The following ITGB6 variants were observed in gnomAD, a reference collection of about 807,000 sequenced individuals.
ITGB6 encodes the protein integrin beta-6.
A neutral mutation model predicts 84.5 loss-of-function variants in ITGB6; 80 were observed. The observed-to-expected ratio is 0.95, with a 90% confidence interval of 0.79 to 1.14. The LOEUF (loss-of-function observed/expected upper bound fraction) is 1.14, where lower values mean the gene tolerates loss of function less well. Ranked by LOEUF, ITGB6 falls within the 50% of genes most tolerant of loss-of-function variation. ITGB6 has a pLI of 0.00. For synonymous variants in ITGB6, 383 were observed against 354.9 expected (o/e 1.08, Z -0.89); for missense variants, 1,006 against 968.0 (o/e 1.04, Z -0.52).
intron 4 of ITGB6, among the ~76,000 whole-genome samples, chr2:160,189,892 GAC>G (rs1427697291): frequency 6.6e-6 from 1 of 152,128 alleles, no homozygotes; most frequent in Non-Finnish European, 1.5e-5. Flanking sequence ...CTGCTATAAA[GAC>G]ACATGCACAC....
intron 10 of ITGB6, among the ~76,000 whole-genome samples, chr2:160,133,266 GTC>G (rs1683546117): frequency 6.6e-6 from 1 of 152,106 alleles, no homozygotes; most frequent in Admixed American, 6.5e-5. Context: ...TGCAATCCTA[GTC>G]TCTGATAAAA....
intron 12 of ITGB6, among the ~76,000 whole-genome samples, chr2:160,120,109 C>T (rs34762905): frequency 0.67 from 100,536 of 150,794 alleles, 33,878 homozygotes; most frequent in Admixed American, 0.74. Flanking sequence ...GTCAGTGTGG[C>T]GATTCCTCAG....
intron 7 of ITGB6, among the ~76,000 whole-genome samples, chr2:160,163,398 G>A (rs1454535711): frequency 1.3e-5 from 2 of 152,100 alleles, no homozygotes; most frequent in African/African-American, 4.8e-5. Context: ...TTGGGAAGTC[G>A]AGGTGGGTGG....
rs1314322022 is a variant in ITGB6, at chr2:160,141,856, CA to C, written c.1107+125del. 71 of 606,404 alleles carry C rather than the reference CA, an allele frequency of 1.2e-4. No individual in the cohort carries two copies. In the Middle Eastern group the frequency reaches 2.1e-3, roughly 18 times the overall value. The allele number at this position is 606,404 out of a possible 1,614,324, so 37.6% of individuals were successfully genotyped here. On this transcript the variant is annotated intron_variant, in intron 8 of 14. Coordinates refer to ENST00000283249, the MANE Select transcript of ITGB6 (RefSeq NM_000888.5). ...AATTTATATTTTGGCTGCATTCATG[CA>C]GAGACTTTTTTTGGATAAGCACTCT...
At chr2:160,131,666 T>C (rs1683475309) in intron 10 of ITGB6, among the ~76,000 whole-genome samples, 1 of 152,184 alleles carries the variant, frequency 6.6e-6, no homozygotes. Flanking sequence ...CAACATCCTT[T>C]GTGATGTTAC....
intron 1 of ITGB6, among the ~76,000 whole-genome samples, chr2:160,199,744 G>C (rs1039876282): frequency 1.3e-5 from 2 of 152,194 alleles, no homozygotes; most frequent in Non-Finnish European, 2.9e-5. Context: ...CTGGCACTAA[G>C]TTCCATTGGG....
At chr2:160,199,090 C>A in intron 2 of ITGB6, 89 bp downstream of exon 2, 1 of 1,065,950 alleles carries the variant, frequency 9.4e-7, no homozygotes, top group Non-Finnish European at 1.4e-6. Flanking sequence ...CACAAAAAAG[C>A]AAGTCACTAT....
intron 10 of ITGB6, among the ~76,000 whole-genome samples, chr2:160,133,979 C>T (rs1056382352): frequency 1.3e-5 from 2 of 152,150 alleles, no homozygotes; most frequent in Admixed American, 1.3e-4. Flanking sequence ...GACACCCTAA[C>T]ATCACAATTA....
chr2:160,112,474 T>C (rs1682578556), intron 12 of ITGB6, among the ~76,000 whole-genome samples: 1 of 152,148 alleles, frequency 6.6e-6, no homozygotes, highest in South Asian at 2.1e-4. Context: ...TGAACGTACT[T>C]CAAGGCAGGT....
intron 7 of ITGB6, among the ~76,000 whole-genome samples, chr2:160,151,032 T>C (rs1324576307): frequency 6.6e-6 from 1 of 152,020 alleles, no homozygotes; most frequent in East Asian, 1.9e-4. Flanking sequence ...ATTAGACAGA[T>C]AAACAAGGCA....
At chr2:160,139,721 T>C (rs911662818) in intron 8 of ITGB6, among the ~76,000 whole-genome samples, 1 of 152,210 alleles carries the variant, frequency 6.6e-6, no homozygotes, top group African/African-American at 2.4e-5. Flanking sequence ...ATTTGTATTT[T>C]TCATAGTTTC....
At chr2:160,196,015 T>A (rs973735089) in intron 3 of ITGB6, among the ~76,000 whole-genome samples, 1 of 152,184 alleles carries the variant, frequency 6.6e-6, no homozygotes, top group Non-Finnish European at 1.5e-5. Context: ...AGAGAAGGCT[T>A]TTTTAGTAAC....
At chr2:160,196,987 A>G (rs796724699) in intron 2 of ITGB6, among the ~76,000 whole-genome samples, 3 of 152,094 alleles carry the variant, frequency 2.0e-5, no homozygotes, top group Admixed American at 1.3e-4. Context: ...ACTCTCTGCC[A>G]GTTGTATGCA....
intron 7 of ITGB6, among the ~76,000 whole-genome samples, chr2:160,167,057 C>G (rs1339821530): frequency 1.3e-5 from 2 of 152,216 alleles, no homozygotes; most frequent in Non-Finnish European, 2.9e-5. Flanking sequence ...AATAATTTTC[C>G]TTCTGGAATT....
Position 160,138,175 on chromosome 2 carries a change from C to G in ITGB6, c.1132G>C (p.Glu378Gln). 1 of 1,612,434 alleles carries G rather than the reference C, an allele frequency of 6.2e-7. No individual in the cohort carries two copies. The highest frequency in any genetic ancestry group is 8.5e-7 in the Non-Finnish European group (1 of 1,179,594). ...AGTCCTTCAGTGTCTCCTAATACTT[C>G]CAGTTCCACCTCAGACCGCAGTTCC... ...YEELRSEVEL[E>Q]VLGDTEGLNL... The change falls in exon 9 of 15, where the codon GAA (glutamate) becomes CAA (glutamine). Residue 378 changes from glutamate (E) to glutamine (Q), a missense_variant. Transcript: ENST00000283249.
chr2:160,118,838 T>G (rs1465883447), intron 12 of ITGB6, among the ~76,000 whole-genome samples: 1 of 152,130 alleles, frequency 6.6e-6, no homozygotes, highest in Non-Finnish European at 1.5e-5. Context: ...AAAATCAATG[T>G]ACAAAAATCA....
Position 160,174,037 on chromosome 2 carries a change from A to T in ITGB6, c.696T>A (p.Ile232=), listed in dbSNP as rs745803152. The T allele has an allele frequency of 2.4e-5, 39 of 1,613,776 alleles. No homozygotes were observed. In the South Asian group the frequency reaches 3.8e-4, roughly 16 times the overall value. The change falls in exon 5 of 15, where the codon ATT becomes ATA. Residue 232 remains isoleucine (I), a synonymous_variant. Coordinates refer to ENST00000283249, the MANE Select transcript of ITGB6 (RefSeq NM_000888.5). ...CTTCGGGTGTGTCAATATTAGCAGA[A>T]ATTTTCTGATTCTTCACAATTTCAT... ...RFNEIVKNQK[I]SANIDTPEGG... is the part of the protein sequence containing the mutation.
chr2:160,181,765 C>T (rs189448699), intron 4 of ITGB6, among the ~76,000 whole-genome samples: 116 of 152,308 alleles, frequency 7.6e-4, no homozygotes, highest in African/African-American at 2.6e-3. Flanking sequence ...GCGGGTGCCC[C>T]TCTGGGCCAA....
At position 160,172,564 on chromosome 2, in the gene ITGB6, C is replaced by T; in HGVS notation, c.921+5G>A. 6.3e-7 allele frequency: 1 copy of T among 1,588,306 alleles called. No individual in the cohort carries two copies. Among genetic ancestry groups the T allele is most frequent in the Non-Finnish European group, 8.6e-7 (1 of 1,159,188 alleles). ...TGAAAACAGTACAGAGTGCAGGTTA[C>T]ACACCAAGACAGTTGACATGGAGTA... is the stretch of plus-strand genomic sequence containing the variant. On this transcript the variant is annotated splice_donor_5th_base_variant and intron_variant, in intron 6 of 14. Transcript: ENST00000283249.
Sources: gnomAD v4.1 joint callset for allele counts (sites outside exome capture counted in the v4.1 genomes callset) on GRCh38, gnomAD v4.1.1 for gene constraint, MANE v1.5 for transcripts, NCBI Gene and HGNC (gene_info 2026-07-23, HGNC 2026-07-21) for gene names.